Variants in ATP10A observed in about 807,000 individuals in gnomAD.
ATP10A encodes the protein phospholipid-transporting ATPase VA.
In ATP10A, 111 loss-of-function variants were observed where a neutral mutation model predicts 147.8. That is an observed-to-expected ratio of 0.75 (90% CI 0.64 to 0.88). The LOEUF (loss-of-function observed/expected upper bound fraction) is 0.88. Among genes scored for constraint, ATP10A ranks in the 40% least tolerant of loss-of-function variants. ATP10A has a pLI of 0.00. For missense variants in ATP10A, 1,927 were observed against 1,959.0 expected (o/e 0.98, Z 0.31); for synonymous variants, 875 against 841.6 (o/e 1.04, Z -0.69).
intron 6 of ATP10A, among the ~76,000 whole-genome samples, chr15:25,722,750 C>T (rs1479676912): frequency 6.6e-6 from 1 of 152,122 alleles, no homozygotes; most frequent in Admixed American, 6.5e-5. Context: ...CAAAGGTTCC[C>T]TCCTAGGCAA....
chr15:25,863,195 C>T lies in ATP10A; in HGVS notation c.-99G>A, dbSNP rs1286827874. 2 of 860,920 alleles carry T rather than the reference C, an allele frequency of 2.3e-6. No individual in the cohort carries two copies. The highest frequency in any genetic ancestry group is 1.8e-5 in the African/African-American group (1 of 54,894). 53.3% of individuals were successfully genotyped at this position (860,920 alleles called of 1,614,324 possible). A position where few individuals can be genotyped will look rare whatever the true frequency, so the allele number is the denominator to read the frequency against. On this transcript the variant is annotated 5_prime_UTR_variant, in exon 1 of 21. Coordinates refer to ENST00000555815, the MANE Select transcript of ATP10A (RefSeq NM_024490.4). ...CGCGGCCCGGGCGCGGCGGTGCGAG[C>T]TCCCCGCCTGCGGGACGCACGGAGA... is the stretch of plus-strand genomic sequence containing the variant.
At chr15:25,759,045 C>T (rs1004779679) in intron 2 of ATP10A, among the ~76,000 whole-genome samples, 4 of 152,226 alleles carry the variant, frequency 2.6e-5, no homozygotes, top group South Asian at 2.1e-4. Context: ...AATGGGGGAC[C>T]GACACAGCAC....
chr15:25,818,924 A>G (rs945552058), intron 1 of ATP10A, among the ~76,000 whole-genome samples: 2 of 152,200 alleles, frequency 1.3e-5, no homozygotes, highest in Non-Finnish European at 2.9e-5. Context: ...CTCACTCTAT[A>G]CACAAATCAA....
chr15:25,790,296 G>A (rs1344707171), intron 1 of ATP10A, among the ~76,000 whole-genome samples: 1 of 152,310 alleles, frequency 6.6e-6, no homozygotes, highest in East Asian at 1.9e-4. Context: ...TGCACAAAAT[G>A]TATTTTCTGA....
Position 25,679,207 on chromosome 15 carries a change from G to T in ATP10A, c.*134C>A. 1 of 676,090 alleles carries T rather than the reference G, an allele frequency of 1.5e-6. No individual in the cohort carries two copies. Among genetic ancestry groups the T allele is most frequent in the Non-Finnish European group, 2.0e-6 (1 of 492,028 alleles). The allele number at this position is 676,090 out of a possible 1,614,324, so 41.9% of individuals were successfully genotyped here. A position where few individuals can be genotyped will look rare whatever the true frequency, so the allele number is the denominator to read the frequency against. On this transcript the variant is annotated 3_prime_UTR_variant, in exon 21 of 21. Transcript: ENST00000555815. The stretch of plus-strand genomic sequence containing the variant: ...TTTTAAAAAATAAACTTTCTTTTTT[G>T]GTACCTCTTGTTTCCTGTATTAGCC...
chr15:25,722,400 C>A (rs1202984491), intron 6 of ATP10A, among the ~76,000 whole-genome samples: 1 of 152,156 alleles, frequency 6.6e-6, no homozygotes, highest in Non-Finnish European at 1.5e-5. Flanking sequence ...CAGATGCTGG[C>A]CTTGTGATTC....
At chr15:25,837,329 CT>C (rs1165378654) in intron 1 of ATP10A, among the ~76,000 whole-genome samples, 2 of 152,164 alleles carry the variant, frequency 1.3e-5, no homozygotes, top group Non-Finnish European at 2.9e-5. Context: ...CAATTCAATA[CT>C]ATGCAGCCTT....
At chr15:25,683,205 C>T in intron 17 of ATP10A, 81 bp downstream of exon 17, 1 of 1,354,946 alleles carries the variant, frequency 7.4e-7, no homozygotes, top group Non-Finnish European at 1.0e-6. Context: ...TGAAGGGAGG[C>T]TGGGGGACTG....
At chr15:25,783,485 CT>C (rs58067312) in intron 1 of ATP10A, among the ~76,000 whole-genome samples, 23,271 of 151,776 alleles carry the variant, frequency 0.15, 2,055 homozygotes, top group Non-Finnish European at 0.2. Flanking sequence ...GGACCCCCCC[CT>C]GGCAAAGTTC....
Position 25,679,571 on chromosome 15 carries a change from T to A in ATP10A, c.4270A>T (p.Thr1424Ser). The A allele has an allele frequency of 2.5e-6, 4 of 1,610,330 alleles. No individual in the cohort carries two copies. The Middle Eastern group carries it at 5.0e-4, about 200-fold the overall frequency. The change falls in exon 21 of 21, where the codon ACC (threonine) becomes TCC (serine). Residue 1424 changes from threonine (T) to serine (S), a missense_variant. By Grantham distance (58) the Thr-to-Ser change is moderately conservative (BLOSUM62 1). Coordinates refer to ENST00000555815, the MANE Select transcript of ATP10A (RefSeq NM_024490.4). ...AGGCTGAAGAGGGAAGACAGGGGGG[T>A]CACCCTGCCGGTGCTGGCAGCTCTC... Reference protein sequence around the residue: ...KVRAASTGRVTPLSSLFSLPT... With the variant: ...KVRAASTGRVSPLSSLFSLPT...
chr15:25,819,909 T>C (rs553084879), intron 1 of ATP10A, among the ~76,000 whole-genome samples: 34 of 152,066 alleles, frequency 2.2e-4, no homozygotes, highest in Middle Eastern at 3.4e-3. Context: ...AATGATAATA[T>C]TGGAGACTTA....
intron 2 of ATP10A, among the ~76,000 whole-genome samples, chr15:25,763,785 T>G (rs1354755269): frequency 1.3e-5 from 2 of 152,154 alleles, no homozygotes; most frequent in East Asian, 1.9e-4. Context: ...GATCAATCAA[T>G]AAGCAATGGA....
At chr15:25,814,069 A>G (rs1596940983) in intron 1 of ATP10A, among the ~76,000 whole-genome samples, 3 of 152,300 alleles carry the variant, frequency 2.0e-5, no homozygotes, top group Middle Eastern at 3.4e-3. Flanking sequence ...ACAAGAAGAA[A>G]ACTACACCCA....
At chr15:25,826,435 A>G (rs1204690795) in intron 1 of ATP10A, among the ~76,000 whole-genome samples, 2 of 152,088 alleles carry the variant, frequency 1.3e-5, no homozygotes, top group Non-Finnish European at 2.9e-5. Flanking sequence ...GCGAAGGTGC[A>G]CCTGTAGTCC....
In ATP10A at chr15:25,679,921, G is replaced by A; in HGVS notation, c.3920C>T (p.Ala1307Val). 6.2e-7 allele frequency: 1 copy of A among 1,608,578 alleles called. No individual in the cohort carries two copies. Residue 1307 changes from alanine (A) to valine (V), a missense_variant, in exon 21 of 21, where the codon GCA becomes GTA. Coordinates refer to ENST00000555815, the MANE Select transcript of ATP10A (RefSeq NM_024490.4). The part of the protein sequence containing the change: ...GRVFPTQLQL[A>V]RQLTRKSPRR... Reference sequence around the variant, plus strand: ...GGGGGACTTCCTGGTCAACTGACGTGCCAGCTGAAGTTGTGTGGGGAAAAC... The same window carrying A: ...GGGGGACTTCCTGGTCAACTGACGTACCAGCTGAAGTTGTGTGGGGAAAAC...
intron 2 of ATP10A, among the ~76,000 whole-genome samples, chr15:25,779,850 A>ATTGG (rs2140701583): frequency 2.4e-5 from 1 of 42,338 alleles, no homozygotes; most frequent in South Asian, 1.4e-3. Flanking sequence ...GTTAAAACAC[A>ATTGG]CACACACACA....
At chr15:25,757,088 T>C (rs1222313899) in intron 2 of ATP10A, among the ~76,000 whole-genome samples, 1 of 152,224 alleles carries the variant, frequency 6.6e-6, no homozygotes, top group Non-Finnish European at 1.5e-5. Flanking sequence ...AAGTAATAGA[T>C]ACTCATTAAA....
chr15:25,764,955 C>T (rs1256186358), intron 2 of ATP10A, among the ~76,000 whole-genome samples: 1 of 152,226 alleles, frequency 6.6e-6, no homozygotes, highest in Non-Finnish European at 1.5e-5. Flanking sequence ...TAAGGAAATG[C>T]ACTTCATTCT....
intron 10 of ATP10A, among the ~76,000 whole-genome samples, chr15:25,711,935 G>C (rs1190946205): frequency 1.3e-5 from 2 of 152,186 alleles, no homozygotes; most frequent in East Asian, 3.9e-4. Context: ...CCAACTTGCA[G>C]ACAAACGAGG....
Sources: allele counts gnomAD v4.1 joint callset (sites outside exome capture counted in the v4.1 genomes callset), GRCh38; gene constraint gnomAD v4.1.1; transcripts MANE v1.5; gene names NCBI Gene and HGNC (gene_info 2026-07-23, HGNC 2026-07-21).